Variants in CDK5RAP2 observed in about 807,000 individuals in gnomAD.
The protein encoded by CDK5RAP2 is CDK5 regulatory subunit associated protein 2.
In CDK5RAP2, 147 loss-of-function variants were observed where a neutral mutation model predicts 232.9. The observed-to-expected ratio is 0.63, with a 90% confidence interval of 0.55 to 0.72. CDK5RAP2 has a LOEUF of 0.72. Among genes scored for constraint, CDK5RAP2 ranks in the 30% least tolerant of loss-of-function variants. CDK5RAP2 has a pLI of 0.00. For synonymous variants in CDK5RAP2, 833 were observed against 833.7 expected, an observed-to-expected ratio of 1.00 and a Z score of 0.01; for missense variants, 2,195 against 2,231.5, an observed-to-expected ratio of 0.98 and a Z score of 0.33.
intron 6 of CDK5RAP2, among the ~76,000 whole-genome samples, chr9:120,537,059 A>G (rs1026672682): frequency 6.6e-5 from 10 of 152,058 alleles, no homozygotes; most frequent in African/African-American, 2.4e-4. Flanking sequence ...TCATGCAGGC[A>G]GTGTCTGTGT....
chr9:120,554,232 G>A (rs1380598049), intron 3 of CDK5RAP2, among the ~76,000 whole-genome samples: 1 of 152,148 alleles, frequency 6.6e-6, no homozygotes, highest in Non-Finnish European at 1.5e-5. Context: ...GAAGTACACT[G>A]TATATTTGTA....
At chr9:120,504,042 T>C (rs2039697478) in intron 12 of CDK5RAP2, among the ~76,000 whole-genome samples, 1 of 152,118 alleles carries the variant, frequency 6.6e-6, no homozygotes, top group African/African-American at 2.4e-5. Flanking sequence ...ACTCCTGCTA[T>C]CCCCAGAGTT....
chr9:120,453,967 G>A, intron 20 of CDK5RAP2, 94 bp from the exon 21 acceptor site: 1 of 1,269,694 alleles, frequency 7.9e-7, no homozygotes, highest in Non-Finnish European at 1.1e-6. Flanking sequence ...ACCTACTGTT[G>A]CCCAGATTCC....
chr9:120,497,857 A>G (rs1175797857), intron 12 of CDK5RAP2, among the ~76,000 whole-genome samples: 3 of 152,172 alleles, frequency 2.0e-5, no homozygotes, highest in Non-Finnish European at 4.4e-5. Flanking sequence ...CCTTTGGAAC[A>G]CCAAGCTCTG....
chr9:120,532,940 A>C (rs1166938820), intron 7 of CDK5RAP2, among the ~76,000 whole-genome samples: 2 of 152,084 alleles, frequency 1.3e-5, no homozygotes, highest in Non-Finnish European at 2.9e-5. Flanking sequence ...TGAGCAATTA[A>C]GCTTCTGTGG....
intron 12 of CDK5RAP2, among the ~76,000 whole-genome samples, chr9:120,505,013 T>C (rs1190973274): frequency 6.6e-6 from 1 of 152,216 alleles, no homozygotes; most frequent in Admixed American, 6.5e-5. Flanking sequence ...CTGGGCACTT[T>C]ACCCATCACC....
rs2501727 is a variant in CDK5RAP2 at position 120,458,551 on chromosome 9, A to G, written c.2274T>C (p.Asp758=). The G allele has an allele frequency of 0.12, 197,194 of 1,613,736 alleles. 16,296 individuals are homozygous for G. The highest frequency in any genetic ancestry group is 0.36 in the African/African-American group (26,737 of 74,956). Residue 758 remains aspartate, a synonymous_variant, in exon 20 of 38, where the codon GAT becomes GAC. Coordinates refer to ENST00000349780, the MANE Select transcript of CDK5RAP2 (RefSeq NM_018249.6). ...AGCCAGGTGCGTGGGCCCCATCACA[A>G]TCTGAAATCTTAGACTCCGTGTGCC... ...YLRHTESKIS[D]CDGAHAPGCL... is the part of the protein sequence containing the mutation.
intron 6 of CDK5RAP2, among the ~76,000 whole-genome samples, chr9:120,537,827 A>C (rs1265231829): frequency 1.8e-4 from 28 of 152,352 alleles, no homozygotes; most frequent in Non-Finnish European, 5.9e-5. Context: ...AGCCCACAAT[A>C]AATTGTTAAT....
At chr9:120,406,708 A>C in intron 32 of CDK5RAP2, 1 of 396,362 alleles carries the variant, frequency 2.5e-6, no homozygotes, top group Non-Finnish European at 4.5e-6. Context: ...AAATTTCAGC[A>C]TCAAAGTGAT....
chr9:120,531,942 G>C lies in CDK5RAP2; in HGVS notation c.663-1802C>G, dbSNP rs138844925. 4.6e-5 allele frequency among the ~76,000 whole-genome samples: 7 copies of C among 152,118 alleles called. No individual in the cohort carries two copies. The East Asian group carries it at 7.7e-4, about 17-fold the overall frequency. On this transcript the variant is annotated intron_variant, in intron 7 of 37. Coordinates refer to ENST00000349780, the MANE Select transcript of CDK5RAP2 (RefSeq NM_018249.6). ...ATAATCAATGGGAGAGGTAGTCACC[G>C]AACTATATACACTTAAAATTGAAGC...
intron 26 of CDK5RAP2, among the ~76,000 whole-genome samples, chr9:120,422,407 T>A (rs2034620556): frequency 1.3e-5 from 2 of 152,290 alleles, no homozygotes; most frequent in South Asian, 4.2e-4. Context: ...AGTCTGGAGT[T>A]TATCTTGCAG....
rs935790095 is a variant in CDK5RAP2 at position 120,403,238 on chromosome 9, A to G, written c.5042-167T>C. ...GAGGCACGCTCCTGGACCTCTGTAT[A>G]TTACCCCACACTGGGCTTATGAGTC... is the stretch of plus-strand genomic sequence containing the variant. On this transcript the variant is annotated intron_variant, in intron 33 of 37. Coordinates refer to ENST00000349780, the MANE Select transcript of CDK5RAP2 (RefSeq NM_018249.6). This position sits in a 1 kb window ranked among gnomAD's most constrained non-coding sequence, Gnocchi z 4.2. The G allele has an allele frequency of 1.1e-5, 7 of 637,382 alleles. No individual in the cohort carries two copies. The highest frequency in any genetic ancestry group is 1.8e-5 in the African/African-American group (1 of 54,754). The allele number at this position is 637,382 out of a possible 1,614,324, so 39.5% of individuals were successfully genotyped here.
intron 12 of CDK5RAP2, among the ~76,000 whole-genome samples, chr9:120,515,755 A>C (rs941061058): frequency 1.3e-5 from 2 of 152,236 alleles, no homozygotes; most frequent in African/African-American, 2.4e-5. Flanking sequence ...GCAGCCAAAA[A>C]ACACATGAAA....
chr9:120,422,569 T>C (rs965804740), intron 26 of CDK5RAP2, 124 bp downstream of exon 26: 2 of 762,692 alleles, frequency 2.6e-6, no homozygotes, highest in Non-Finnish European at 4.8e-6. Flanking sequence ...TAGATGTTTA[T>C]ACCTTATTTA....
At chr9:120,462,680 A>G (rs1046244395) in intron 18 of CDK5RAP2, among the ~76,000 whole-genome samples, 7 of 152,242 alleles carry the variant, frequency 4.6e-5, no homozygotes, top group African/African-American at 1.7e-4. Flanking sequence ...GACTCCATTT[A>G]TATGAAGGTC....
At chr9:120,443,851 G>T (rs896111936) in intron 22 of CDK5RAP2, 109 bp from the exon 23 acceptor site, 3 of 1,439,164 alleles carry the variant, frequency 2.1e-6, no homozygotes, top group Non-Finnish European at 1.9e-6. Flanking sequence ...TAAAAACACT[G>T]GGGAGGCAAA....
intron 34 of CDK5RAP2, 136 bp downstream of exon 34, chr9:120,402,670 A>G: frequency 1.0e-6 from 1 of 958,376 alleles, no homozygotes; most frequent in South Asian, 1.5e-5. Flanking sequence ...CTGACCTCTG[A>G]GCTCTCTGAG....
intron 14 of CDK5RAP2, among the ~76,000 whole-genome samples, chr9:120,478,747 C>T (rs2038154216): frequency 6.6e-6 from 1 of 152,166 alleles, no homozygotes; most frequent in Non-Finnish European, 1.5e-5. Context: ...TACCACTGCA[C>T]TGAAGCCTGG....
intron 1 of CDK5RAP2, among the ~76,000 whole-genome samples, chr9:120,576,718 A>G (rs894047764): frequency 6.6e-6 from 1 of 152,020 alleles, no homozygotes; most frequent in African/African-American, 2.4e-5. Flanking sequence ...AAAAAAAAAA[A>G]GACCACAATG....
Sources: allele counts gnomAD v4.1 joint callset (sites outside exome capture counted in the v4.1 genomes callset), GRCh38; gene constraint gnomAD v4.1.1; non-coding constraint Gnocchi (gnomAD v3.1); transcripts MANE v1.5; gene names NCBI Gene and HGNC (gene_info 2026-07-23, HGNC 2026-07-21).